MAD1L1: variants seen among roughly 807,000 people sequenced by gnomAD.
MAD1L1 encodes mitotic arrest deficient 1 like 1.
MAD1L1 carries 95 observed loss-of-function variants against 96.9 expected under a neutral mutation model. The observed-to-expected ratio is 0.98, with a 90% CI of 0.83 to 1.16. The LOEUF (loss-of-function observed/expected upper bound fraction) is 1.16, where lower values mean the gene tolerates loss of function less well. Among genes scored for constraint, MAD1L1 ranks in the 50% most tolerant of loss-of-function variants. The probability of loss-of-function intolerance (pLI) is 0.00; values close to 1 mark genes in which losing one functional copy is unlikely to be tolerated. For missense variants in MAD1L1, 1,007 were observed against 954.4 expected, an observed-to-expected ratio of 1.06 and a Z score of -0.73; for synonymous variants, 473 against 396.6, an observed-to-expected ratio of 1.19 and a Z score of -2.29.
At chr7:2,044,528 G>T (rs1783834006) in intron 12 of MAD1L1, among the ~76,000 whole-genome samples, 1 of 152,154 alleles carries the variant, frequency 6.6e-6, no homozygotes, top group Non-Finnish European at 1.5e-5. Context: ...CAGCATGTGT[G>T]AGATGATAAC....
chr7:1,896,739 A>G (rs1314544569), intron 18 of MAD1L1, among the ~76,000 whole-genome samples: 1 of 152,192 alleles, frequency 6.6e-6, no homozygotes, highest in Non-Finnish European at 1.5e-5. Flanking sequence ...CGCTGCAGTT[A>G]GTCTTCCTAA....
At chr7:1,964,273 C>T (rs1780069226) in intron 15 of MAD1L1, among the ~76,000 whole-genome samples, 1 of 152,130 alleles carries the variant, frequency 6.6e-6, no homozygotes, top group South Asian at 2.1e-4. Flanking sequence ...ATGAAAAGGC[C>T]CCTTTTAAAA....
At chr7:2,022,044 C>T (rs1452621963) in intron 12 of MAD1L1, among the ~76,000 whole-genome samples, 2 of 152,148 alleles carry the variant, frequency 1.3e-5, no homozygotes, top group African/African-American at 4.8e-5. Flanking sequence ...CAACCTCTAC[C>T]TCTGGGGCTC....
At chr7:2,092,292 T>C (rs1786256658) in intron 11 of MAD1L1, among the ~76,000 whole-genome samples, 1 of 152,200 alleles carries the variant, frequency 6.6e-6, no homozygotes, top group Non-Finnish European at 1.5e-5. Flanking sequence ...AGGGTCTCTC[T>C]CTGTCTCCCA....
intron 3 of MAD1L1, among the ~76,000 whole-genome samples, chr7:2,225,775 T>C (rs1042553695): frequency 6.6e-6 from 1 of 152,206 alleles, no homozygotes; most frequent in Non-Finnish European, 1.5e-5. Context: ...TGAGATGACA[T>C]TAAGCATATT....
At chr7:1,949,598 G>A (rs374045185) in intron 16 of MAD1L1, among the ~76,000 whole-genome samples, 25 of 152,310 alleles carry the variant, frequency 1.6e-4, no homozygotes, top group African/African-American at 6.0e-4. Flanking sequence ...GCCCCCAGGA[G>A]AGCCGCAGCC....
chr7:1,968,207 G>A lies in MAD1L1; in HGVS notation c.1506-10488C>T, dbSNP rs762939090. Among the ~76,000 whole-genome samples the A allele has an allele frequency of 2.6e-5, 4 of 152,274 alleles. No homozygotes were observed. The highest frequency in any genetic ancestry group is 4.4e-5 in the Non-Finnish European group (3 of 68,010). On this transcript the variant is annotated intron_variant, in intron 15 of 18. Coordinates refer to ENST00000265854, the MANE Select transcript of MAD1L1 (RefSeq NM_001013836.2). The surrounding 1 kb of genome is among the most constrained non-coding windows in gnomAD (Gnocchi z 5.6). Reference sequence around the variant, plus strand: ...CCGGCAGAGCACGCCTCAATCCGGCGGTCAGGTCCACCGTCGACGCCTCAG... The same window carrying A: ...CCGGCAGAGCACGCCTCAATCCGGCAGTCAGGTCCACCGTCGACGCCTCAG...
intron 18 of MAD1L1, chr7:1,847,711 G>T (rs1183391127): frequency 1.3e-5 from 6 of 470,362 alleles, no homozygotes; most frequent in South Asian, 6.2e-5. Context: ...GGCAGGCCTG[G>T]GTTCCCATCG....
At position 1,851,266 on chromosome 7, in the gene MAD1L1, G is replaced by A. The variant is rs567235522; in HGVS notation, c.1999-35038C>T. Among the ~76,000 whole-genome samples, 131 of 152,330 alleles carry A rather than the reference G, an allele frequency of 8.6e-4. 2 individuals carry two copies. Among genetic ancestry groups the A allele is most frequent in the African/African-American group, 3.0e-3 (125 of 41,584 alleles). On this transcript the variant is annotated intron_variant, in intron 18 of 18. Coordinates refer to ENST00000265854, the MANE Select transcript of MAD1L1 (RefSeq NM_001013836.2). ...GGTGACCCACGCCCAGACCAGAGCCGGCAGCAAGAGCTTGGCCTCGGCCGG... is the reference window on the plus strand; with the variant it reads ...GGTGACCCACGCCCAGACCAGAGCCAGCAGCAAGAGCTTGGCCTCGGCCGG...
intron 3 of MAD1L1, among the ~76,000 whole-genome samples, chr7:2,229,190 C>T (rs1056035396): frequency 6.6e-6 from 1 of 152,204 alleles, no homozygotes; most frequent in Non-Finnish European, 1.5e-5. Context: ...TACAGAACGG[C>T]TCTGGGGACC....
chr7:1,956,326 C>T (rs1779726902), intron 16 of MAD1L1, among the ~76,000 whole-genome samples: 1 of 152,162 alleles, frequency 6.6e-6, no homozygotes, highest in African/African-American at 2.4e-5. Context: ...ACAGGCCGAA[C>T]CCCAGTGGCC....
chr7:2,051,362 C>T (rs947344196), intron 12 of MAD1L1, among the ~76,000 whole-genome samples: 17 of 152,200 alleles, frequency 1.1e-4, no homozygotes, highest in African/African-American at 3.4e-4. Flanking sequence ...CAGGACACTC[C>T]AGGTTTCTCG....
intron 18 of MAD1L1, chr7:1,848,957 C>T (rs36194378): frequency 0.044 from 6,840 of 154,608 alleles, 208 homozygotes; most frequent in Middle Eastern, 0.13. Flanking sequence ...ACTCATCACC[C>T]ATCACCCAGT....
chr7:2,044,439 G>A (rs900486860), intron 12 of MAD1L1, among the ~76,000 whole-genome samples: 1 of 152,348 alleles, frequency 6.6e-6, no homozygotes, highest in East Asian at 1.9e-4. Flanking sequence ...CCCGGCGCAC[G>A]TGGAAGAAGG....
intron 12 of MAD1L1, among the ~76,000 whole-genome samples, chr7:2,026,486 A>C (rs1324101606): frequency 6.6e-6 from 1 of 152,230 alleles, no homozygotes; most frequent in Non-Finnish European, 1.5e-5. Flanking sequence ...CAACAATTGC[A>C]GAATACATAC....
intron 13 of MAD1L1, among the ~76,000 whole-genome samples, chr7:2,004,430 C>A (rs1021912525): frequency 6.6e-6 from 1 of 152,246 alleles, no homozygotes; most frequent in African/African-American, 2.4e-5. Flanking sequence ...ACATCGTCAT[C>A]CCCATTTACA....
At chr7:1,854,245 G>C (rs1562460195) in intron 18 of MAD1L1, 1 of 359,708 alleles carries the variant, frequency 2.8e-6, no homozygotes, top group Non-Finnish European at 5.5e-6. Flanking sequence ...CGGTGCCTCG[G>C]TGTTGGGTAC....
At chr7:2,062,615 G>A (rs1421254861) in intron 12 of MAD1L1, among the ~76,000 whole-genome samples, 10 of 152,094 alleles carry the variant, frequency 6.6e-5, no homozygotes, top group African/African-American at 2.4e-4. Context: ...GGAGGCGCTT[G>A]CCCTGGAGCT....
chr7:1,885,288 C>T (rs1438636065), intron 18 of MAD1L1, among the ~76,000 whole-genome samples: 2 of 152,190 alleles, frequency 1.3e-5, no homozygotes, highest in Admixed American at 1.3e-4. Context: ...TCTCACATGC[C>T]CTCTGCCCAC....
Sources: allele counts gnomAD v4.1 joint callset (sites outside exome capture counted in the v4.1 genomes callset), GRCh38; gene constraint gnomAD v4.1.1; non-coding constraint Gnocchi (gnomAD v3.1); transcripts MANE v1.5; gene names NCBI Gene and HGNC (gene_info 2026-07-23, HGNC 2026-07-21).